Variants in GGPS1 observed in about 807,000 individuals in gnomAD.
GGPS1 encodes the protein geranylgeranyl pyrophosphate synthase.
Under a neutral mutation model 28.1 loss-of-function variants are expected in GGPS1, and 15 were observed. The ratio of observed to expected loss-of-function variants is 0.53; its 90% confidence interval spans 0.36 to 0.82. The LOEUF is 0.82. GGPS1 is among the 40% of genes least tolerant of loss of function. The pLI, the probability that GGPS1 is intolerant of heterozygous loss-of-function variation, is 0.01. For synonymous variants in GGPS1, 138 were observed against 122.4 expected (o/e 1.13, Z -0.84); for missense variants, 284 against 348.3 (o/e 0.82, Z 1.47).
chr1:235,339,312 C>G (rs1346741210), intron 2 of GGPS1, among the ~76,000 whole-genome samples: 2 of 151,382 alleles, frequency 1.3e-5, no homozygotes, highest in Non-Finnish European at 2.9e-5. Flanking sequence ...AAAAAAAATA[C>G]AAAAAATTAG....
intron 3 of GGPS1, 82 bp from the exon 4 acceptor site, chr1:235,341,929 C>G: frequency 2.1e-6 from 2 of 963,522 alleles, no homozygotes; most frequent in South Asian, 3.3e-5. Flanking sequence ...AATTAACACA[C>G]CTGAGACTTT....
chr1:235,341,818 A>C (rs771801184), intron 3 of GGPS1, 40 bp downstream of exon 3: 1 of 1,156,548 alleles, frequency 8.6e-7, no homozygotes, highest in Non-Finnish European at 1.3e-6. Flanking sequence ...CCAAGAAATT[A>C]ATAGCTGTCG....
rs896270725 is a variant in GGPS1, at chr1:235,343,931, A to G, written c.*1159A>G. On this transcript the variant is annotated 3_prime_UTR_variant, in exon 4 of 4. Coordinates refer to ENST00000282841, the MANE Select transcript of GGPS1 (RefSeq NM_004837.4). ...CCTTCCCGCCCACATCACCACCCCG[A>G]CTTGAAGACAGTAGGTGCTTGAATG... 4 of 166,960 alleles carry G rather than the reference A, an allele frequency of 2.4e-5. No individual in the cohort carries two copies. In the Admixed American group the frequency reaches 2.6e-4, roughly 11 times the overall value. The allele number at this position is 166,960 out of a possible 1,614,324, so 10.3% of individuals were successfully genotyped here.
chr1:235,339,040 A>G (rs1027572614), intron 2 of GGPS1, among the ~76,000 whole-genome samples: 3 of 151,858 alleles, frequency 2.0e-5, no homozygotes, highest in Non-Finnish European at 4.4e-5. Context: ...TAGCTCACGC[A>G]TGTAATCCCT....
chr1:235,342,166 C>T lies in GGPS1; in HGVS notation c.297C>T (p.Gly99=), dbSNP rs968409616. Residue 99 remains glycine, a synonymous_variant, in exon 4 of 4, where the codon GGC becomes GGT. Coordinates refer to ENST00000282841, the MANE Select transcript of GGPS1 (RefSeq NM_004837.4). ...CTGCCAATTACGTGTATTTCCTTGG[C>T]TTGGAGAAAGTCTTAACCCTTGATC... The part of the protein sequence containing the change: ...INSANYVYFL[G]LEKVLTLDHP... The T allele has an allele frequency of 1.2e-6, 2 of 1,613,964 alleles. No homozygotes were observed. Among genetic ancestry groups the T allele is most frequent in the Non-Finnish European group, 1.7e-6 (2 of 1,179,990 alleles).
At chr1:235,341,235 G>A (rs578079055) in intron 2 of GGPS1, among the ~76,000 whole-genome samples, 7 of 152,210 alleles carry the variant, frequency 4.6e-5, no homozygotes, top group South Asian at 2.1e-4. Context: ...GCTGAGGCAC[G>A]AGAATCATGT....
At chr1:235,339,399 C>T (rs146426769) in intron 2 of GGPS1, among the ~76,000 whole-genome samples, 136 of 151,982 alleles carry the variant, frequency 8.9e-4, no homozygotes, top group African/African-American at 3.0e-3. Flanking sequence ...ACCCAGGAGG[C>T]GAAGGTTGTG....
chr1:235,338,512 TC>T (rs1675932908), intron 2 of GGPS1, among the ~76,000 whole-genome samples: 2 of 152,140 alleles, frequency 1.3e-5, no homozygotes, highest in African/African-American at 4.8e-5. Flanking sequence ...TATATAACAT[TC>T]AAAAGTAAAA....
At chr1:235,332,179 T>G (rs1437757491) in intron 1 of GGPS1, among the ~76,000 whole-genome samples, 2 of 152,230 alleles carry the variant, frequency 1.3e-5, no homozygotes, top group African/African-American at 4.8e-5. Flanking sequence ...ACCCATGTAA[T>G]CACGTTGTAC....
At chr1:235,339,232 G>A (rs1352062969) in intron 2 of GGPS1, among the ~76,000 whole-genome samples, 9 of 151,534 alleles carry the variant, frequency 5.9e-5, no homozygotes, top group African/African-American at 9.7e-5. Flanking sequence ...CTAGGAGGTG[G>A]AGGTTGCAGT....
At chr1:235,337,295 A>T (rs1675899229) in intron 2 of GGPS1, among the ~76,000 whole-genome samples, 1 of 152,244 alleles carries the variant, frequency 6.6e-6, no homozygotes, top group African/African-American at 2.4e-5. Context: ...CATTTTAACC[A>T]TAATGCTTAC....
chr1:235,342,699 C>T lies in GGPS1; in HGVS notation c.830C>T (p.Ala277Val). 2 of 1,607,142 alleles carry T rather than the reference C, an allele frequency of 1.2e-6. No individual in the cohort carries two copies. The highest frequency in any genetic ancestry group is 1.7e-6 in the Non-Finnish European group (2 of 1,174,684). The change falls in exon 4 of 4, where the codon GCA (alanine) becomes GTA (valine). Residue 277 changes from alanine (A) to valine (V), a missense_variant. Coordinates refer to ENST00000282841, the MANE Select transcript of GGPS1 (RefSeq NM_004837.4). ...LEAKAYKQID[A>V]RGGNPELVAL... ...GCTAAAGCCTATAAACAGATTGATG[C>T]ACGTGGTGGGAACCCTGAGCTAGTA...
intron 2 of GGPS1, among the ~76,000 whole-genome samples, chr1:235,339,849 C>A (rs1370247198): frequency 1.3e-5 from 2 of 151,988 alleles, no homozygotes; most frequent in Admixed American, 6.6e-5. Context: ...GATGTTATTA[C>A]CATGCATTCA....
Position 235,342,246 on chromosome 1 carries a change from A to G in GGPS1, c.377A>G (p.Gln126Arg), listed in dbSNP as rs1309380117. The G allele has an allele frequency of 1.2e-6, 2 of 1,613,824 alleles. No individual in the cohort carries two copies. Among genetic ancestry groups the G allele is most frequent in the Non-Finnish European group, 1.7e-6 (2 of 1,179,718 alleles). The change falls in exon 4 of 4, where the codon CAA becomes CGA. Residue 126 changes from glutamine to arginine, a missense_variant. Coordinates refer to ENST00000282841, the MANE Select transcript of GGPS1 (RefSeq NM_004837.4). ...TRQLLELHQG[Q>R]GLDIYWRDNY... ...CAGCTTTTGGAACTCCATCAGGGAC[A>G]AGGCCTAGATATTTACTGGAGGGAT...
upstream of GGPS1, chr1:235,328,509 G>C (rs1317497994): frequency 9.5e-6 from 1 of 105,814 alleles, no homozygotes; most frequent in African/African-American, 5.4e-5. Context: ...GTGCGGGGGC[G>C]GGGGGGAGGT....
intron 1 of GGPS1, chr1:235,329,261 A>C (rs1675599647): frequency 6.6e-6 from 1 of 152,214 alleles, no homozygotes; most frequent in South Asian, 2.1e-4. Flanking sequence ...TCTTAGACGC[A>C]AGGTTGTGTG....
rs533659361 is a variant in GGPS1 at position 235,339,759 on chromosome 1, T to G, written c.71-1949T>G. On this transcript the variant is annotated intron_variant, in intron 2 of 3. Transcript: ENST00000282841. ...TGGGTGACAAGAGCGAAATTCCATCTCCAAAAAAAAAAAAAGAAAACAGTA... is the reference window on the plus strand; with the variant it reads ...TGGGTGACAAGAGCGAAATTCCATCGCCAAAAAAAAAAAAAGAAAACAGTA... 1.1e-4 allele frequency among the ~76,000 whole-genome samples: 14 copies of G among 129,506 alleles called. No homozygotes were observed. The Admixed American group carries it at 1.1e-3, about 10-fold the overall frequency. 85.0% of individuals were successfully genotyped at this position (129,506 alleles called of 152,430 possible).
intron 2 of GGPS1, among the ~76,000 whole-genome samples, chr1:235,340,337 G>A (rs915465057): frequency 1.3e-5 from 2 of 151,968 alleles, no homozygotes; most frequent in African/African-American, 4.8e-5. Context: ...GGGCGTGGTC[G>A]CTTGCACCTA....
rs1021226937 is a variant in GGPS1, at chr1:235,328,726, G to C, written c.-76G>C. 6.6e-6 allele frequency: 1 copy of C among 152,574 alleles called. No homozygotes were observed. Among genetic ancestry groups the C allele is most frequent in the African/African-American group, 2.4e-5 (1 of 41,380 alleles). The allele number at this position is 152,574 out of a possible 1,614,324, so 9.5% of individuals were successfully genotyped here. A position where few individuals can be genotyped will look rare whatever the true frequency, so the allele number is the denominator to read the frequency against. On this transcript the variant is annotated 5_prime_UTR_variant, in exon 1 of 4. Transcript: ENST00000282841. ...TTATAAAATAGGAAGTTGATGCGGG[G>C]TACAGTTACTCCCGGACCGGCGGCG...
Sources: allele counts gnomAD v4.1 joint callset (sites outside exome capture counted in the v4.1 genomes callset), GRCh38; gene constraint gnomAD v4.1.1; transcripts MANE v1.5; gene names NCBI Gene and HGNC (gene_info 2026-07-23, HGNC 2026-07-21).